The following CDH4 variants were observed in gnomAD, a reference collection of about 807,000 sequenced individuals.
The protein encoded by CDH4 is cadherin-4.
Under a neutral mutation model 86.0 loss-of-function variants are expected in CDH4, and 33 were observed. The ratio of observed to expected loss-of-function variants is 0.38; its 90% CI spans 0.29 to 0.51. CDH4 has a LOEUF of 0.51. CDH4 is among the 20% of genes least tolerant of loss of function. The pLI, the probability that CDH4 is intolerant of heterozygous loss-of-function variation, is 0.86. For synonymous variants in CDH4, 555 were observed against 549.4 expected, an observed-to-expected ratio of 1.01 and a Z score of -0.14; for missense variants, 1,114 against 1,307.4, an observed-to-expected ratio of 0.85 and a Z score of 2.28.
At chr20:61,637,740 G>T (rs147836923) in intron 2 of CDH4, among the ~76,000 whole-genome samples, 7 of 152,274 alleles carry the variant, frequency 4.6e-5, no homozygotes, top group Non-Finnish European at 7.3e-5. Context: ...TGAAAATATG[G>T]CCGGGTGTGG....
In CDH4 at chr20:61,828,886, A is replaced by C. The variant is rs142327629; in HGVS notation, c.577-15782A>C. On this transcript the variant is annotated intron_variant, in intron 4 of 15. Transcript: ENST00000614565. ...AGACAATTTTCCCATGGACCCAGGGAAGGAGGATGCTTCCGGGATGAAGCT... is the reference window on the plus strand; with the variant it reads ...AGACAATTTTCCCATGGACCCAGGGCAGGAGGATGCTTCCGGGATGAAGCT... 8.3e-4 allele frequency among the ~76,000 whole-genome samples: 127 copies of C among 152,366 alleles called. 2 individuals are homozygous for C. The East Asian group carries it at 0.024, about 28-fold the overall frequency.
intron 2 of CDH4, among the ~76,000 whole-genome samples, chr20:61,618,855 C>T (rs2086746924): frequency 6.6e-6 from 1 of 152,204 alleles, no homozygotes; most frequent in African/African-American, 2.4e-5. Context: ...AACGGGGTGA[C>T]TTTCCAGCCT....
chr20:61,655,732 T>C (rs1183525027), intron 2 of CDH4, among the ~76,000 whole-genome samples: 2 of 152,230 alleles, frequency 1.3e-5, no homozygotes, highest in Non-Finnish European at 2.9e-5. Flanking sequence ...GGCCAGGCCC[T>C]GTTCTGTCCT....
At chr20:61,535,132 A>T (rs114235061) in intron 2 of CDH4, among the ~76,000 whole-genome samples, 3,926 of 152,324 alleles carry the variant, frequency 0.026, 170 homozygotes, top group African/African-American at 0.09. Context: ...CCCTCACCAT[A>T]GTTGATCTAC....
At chr20:61,460,909 C>G (rs564822881) in intron 2 of CDH4, among the ~76,000 whole-genome samples, 1 of 152,290 alleles carries the variant, frequency 6.6e-6, no homozygotes, top group East Asian at 1.9e-4. Flanking sequence ...GGCTCTCTTG[C>G]CAGCACGGGC....
chr20:61,609,276 C>G (rs2086667083), intron 2 of CDH4, among the ~76,000 whole-genome samples: 1 of 152,156 alleles, frequency 6.6e-6, no homozygotes, highest in African/African-American at 2.4e-5. Context: ...AGAAAATGAC[C>G]ACAGAGAAGA....
chr20:61,699,703 G>A (rs1380515397), intron 2 of CDH4, among the ~76,000 whole-genome samples: 2 of 152,200 alleles, frequency 1.3e-5, no homozygotes, highest in Admixed American at 6.5e-5. Flanking sequence ...CAGAGCTGAA[G>A]ACAAATTAGA....
At chr20:61,600,159 C>T (rs1005834027) in intron 2 of CDH4, among the ~76,000 whole-genome samples, 4 of 152,360 alleles carry the variant, frequency 2.6e-5, no homozygotes, top group African/African-American at 2.4e-5. Flanking sequence ...ACAGGTCCCG[C>T]GCGAGGGCGT....
chr20:61,850,719 CCT>C (rs1396035977), intron 5 of CDH4, among the ~76,000 whole-genome samples: 1 of 152,262 alleles, frequency 6.6e-6, no homozygotes, highest in Non-Finnish European at 1.5e-5. Context: ...TCGGAGGACT[CCT>C]CCACCCATGT....
chr20:61,463,914 TGTA>T (rs1376208486), intron 2 of CDH4, among the ~76,000 whole-genome samples: 1 of 152,126 alleles, frequency 6.6e-6, no homozygotes, highest in Non-Finnish European at 1.5e-5. Flanking sequence ...ACCTATCAAG[TGTA>T]GTCACACTGA....
rs1269695612 is a variant in CDH4, at chr20:61,392,417, C to A, written c.169+137480C>A. On this transcript the variant is annotated intron_variant, in intron 2 of 15. Transcript: ENST00000614565. The surrounding 1 kb of genome is among the most constrained non-coding windows in gnomAD (Gnocchi z 5.7). The stretch of plus-strand genomic sequence containing the variant: ...CGGGATGGAACGCACGGCGCCCCGA[C>A]GTGATTTTCCAGAGAACTGAGTTCC... Among the ~76,000 whole-genome samples the A allele has an allele frequency of 1.3e-5, 2 of 152,110 alleles. No individual in the cohort carries two copies. Among genetic ancestry groups the A allele is most frequent in the East Asian group, 3.9e-4 (2 of 5,184 alleles).
chr20:61,336,356 C>T (rs1415073325), intron 2 of CDH4, among the ~76,000 whole-genome samples: 3 of 152,246 alleles, frequency 2.0e-5, no homozygotes, highest in Non-Finnish European at 4.4e-5. Flanking sequence ...TCCTCCTCGA[C>T]CATCAACATT....
chr20:61,376,966 A>G (rs971526082), intron 2 of CDH4, among the ~76,000 whole-genome samples: 7 of 152,150 alleles, frequency 4.6e-5, no homozygotes, highest in African/African-American at 1.7e-4. Context: ...CTGCTTTGCA[A>G]TTCTTTGGGG....
chr20:61,566,523 C>G (rs968430280), intron 2 of CDH4, among the ~76,000 whole-genome samples: 1 of 152,082 alleles, frequency 6.6e-6, no homozygotes, highest in African/African-American at 2.4e-5. Flanking sequence ...TGTCTCCTTC[C>G]ATGGAGATTG....
intron 2 of CDH4, among the ~76,000 whole-genome samples, chr20:61,678,705 G>A (rs1023680806): frequency 4.6e-4 from 70 of 152,294 alleles, no homozygotes; most frequent in African/African-American, 1.6e-3. Flanking sequence ...CTGGGAGTCC[G>A]CAGCAGCCCC....
At chr20:61,825,606 G>A (rs576654192) in intron 4 of CDH4, among the ~76,000 whole-genome samples, 1 of 152,268 alleles carries the variant, frequency 6.6e-6, no homozygotes, top group Admixed American at 6.5e-5. Flanking sequence ...TGATTTACCA[G>A]AGGGGAAACT....
At chr20:61,867,561 A>AAAAAG (rs56167173) in intron 6 of CDH4, among the ~76,000 whole-genome samples, 35 of 142,134 alleles carry the variant, frequency 2.5e-4, no homozygotes, top group South Asian at 4.6e-4. Context: ...AAAAAAAAAA[A>AAAAAG]AGAGAGAGAG....
At chr20:61,881,331 C>T (rs920808129) in intron 7 of CDH4, among the ~76,000 whole-genome samples, 2 of 152,238 alleles carry the variant, frequency 1.3e-5, no homozygotes, top group African/African-American at 2.4e-5. Context: ...GGCTCCATTC[C>T]AGCGGTGGCA....
intron 7 of CDH4, among the ~76,000 whole-genome samples, chr20:61,881,003 G>A (rs1320058232): frequency 1.8e-4 from 28 of 152,198 alleles, no homozygotes; most frequent in Admixed American, 1.8e-3. Context: ...GCCACAGGAT[G>A]GCCCAGGTGA....
Sources: allele counts gnomAD v4.1 joint callset (sites outside exome capture counted in the v4.1 genomes callset), GRCh38; gene constraint gnomAD v4.1.1; non-coding constraint Gnocchi (gnomAD v3.1); transcripts MANE v1.5; gene names NCBI Gene and HGNC (gene_info 2026-07-23, HGNC 2026-07-21).